FRMD4B: variants seen among roughly 807,000 people sequenced by gnomAD.
FRMD4B encodes the protein FERM domain containing 4B, also known as FERM domain-containing protein 4B.
In FRMD4B, 74 loss-of-function variants were observed where a neutral mutation model predicts 141.5. The ratio of observed to expected loss-of-function variants is 0.52; its 90% CI spans 0.43 to 0.63. The LOEUF (loss-of-function observed/expected upper bound fraction) is 0.63, where lower values mean the gene tolerates loss of function less well. FRMD4B is among the 30% of genes least tolerant of loss of function. The pLI is 0.00. For synonymous variants in FRMD4B, 506 were observed against 467.9 expected (o/e 1.08, Z -1.05); for missense variants, 1,366 against 1,253.4 (o/e 1.09, Z -1.36).
chr3:69,501,139 C>T (rs1488105422), intron 1 of FRMD4B, among the ~76,000 whole-genome samples: 1 of 151,934 alleles, frequency 6.6e-6, no homozygotes, highest in Non-Finnish European at 1.5e-5. Flanking sequence ...GCAAGCTTGT[C>T]CAACCAGTGG....
intron 1 of FRMD4B, among the ~76,000 whole-genome samples, chr3:69,341,677 T>C (rs1353161726): frequency 2.0e-5 from 3 of 152,186 alleles, no homozygotes; most frequent in African/African-American, 7.2e-5. Flanking sequence ...CCAATGTCTG[T>C]AGTATTAAGA....
intron 2 of FRMD4B, among the ~76,000 whole-genome samples, chr3:69,421,209 T>G (rs892071487): frequency 6.6e-6 from 1 of 152,232 alleles, no homozygotes; most frequent in Non-Finnish European, 1.5e-5. Context: ...TAGTCAGATC[T>G]CTGGGAGACA....
At chr3:69,526,910 C>A (rs143719467) in intron 1 of FRMD4B, among the ~76,000 whole-genome samples, 2 of 152,158 alleles carry the variant, frequency 1.3e-5, no homozygotes, top group Non-Finnish European at 2.9e-5. Context: ...TTTTCCACTG[C>A]GCCTCCCATA....
intron 1 of FRMD4B, among the ~76,000 whole-genome samples, chr3:69,324,681 C>T (rs1229207366): frequency 6.6e-6 from 1 of 152,178 alleles, no homozygotes; most frequent in Non-Finnish European, 1.5e-5. Flanking sequence ...AACAATTAAA[C>T]AAATATGATA....
intron 1 of FRMD4B, among the ~76,000 whole-genome samples, chr3:69,362,671 C>A (rs1438757278): frequency 6.7e-6 from 1 of 149,136 alleles, no homozygotes; most frequent in Non-Finnish European, 1.5e-5. Context: ...AGTGAGACTC[C>A]ATCTCAAAAC....
intron 1 of FRMD4B, among the ~76,000 whole-genome samples, chr3:69,525,199 C>G (rs1251070819): frequency 1.3e-5 from 2 of 151,906 alleles, no homozygotes; most frequent in Middle Eastern, 3.2e-3. Flanking sequence ...TCCTGCCACC[C>G]AAGTTATACA....
At chr3:69,475,856 C>A (rs1705986805) in intron 1 of FRMD4B, among the ~76,000 whole-genome samples, 1 of 151,810 alleles carries the variant, frequency 6.6e-6, no homozygotes, top group South Asian at 2.1e-4. Flanking sequence ...TCCACATCCT[C>A]TCCAGCACCT....
intron 1 of FRMD4B, among the ~76,000 whole-genome samples, chr3:69,370,875 G>A (rs1414410596): frequency 2.0e-5 from 3 of 152,020 alleles, no homozygotes; most frequent in Admixed American, 2.0e-4. Context: ...GCTTCTTAAA[G>A]TGTAAAGTAG....
At chr3:69,308,219 A>G (rs1701457044) in intron 3 of FRMD4B, among the ~76,000 whole-genome samples, 2 of 152,182 alleles carry the variant, frequency 1.3e-5, no homozygotes, top group African/African-American at 4.8e-5. Flanking sequence ...ATTGAATACT[A>G]GTACCCTATT....
At chr3:69,382,845 G>C (rs552952046) in intron 1 of FRMD4B, among the ~76,000 whole-genome samples, 1 of 151,868 alleles carries the variant, frequency 6.6e-6, no homozygotes, top group Admixed American at 6.6e-5. Context: ...GAAACCAGCT[G>C]AAGATAAAGC....
intron 2 of FRMD4B, among the ~76,000 whole-genome samples, chr3:69,396,893 A>G (rs1575786927): frequency 6.6e-6 from 1 of 152,252 alleles, no homozygotes; most frequent in African/African-American, 2.4e-5. Flanking sequence ...TCACGGTAGC[A>G]TTATTCATAA....
intron 18 of FRMD4B, among the ~76,000 whole-genome samples, chr3:69,189,442 T>G (rs2092812019): frequency 6.6e-6 from 1 of 152,184 alleles, no homozygotes; most frequent in Non-Finnish European, 1.5e-5. Flanking sequence ...TTATTTCATA[T>G]TGTGATGAAT....
chr3:69,211,036 A>AAAAAAG (rs2093073483), intron 11 of FRMD4B, among the ~76,000 whole-genome samples: 2 of 151,506 alleles, frequency 1.3e-5, no homozygotes, highest in Admixed American at 6.6e-5. Context: ...AAAAAAAAAA[A>AAAAAAG]AAAAGAAAGA....
intron 4 of FRMD4B, among the ~76,000 whole-genome samples, chr3:69,293,452 TGGCA>T (rs1378901371): frequency 1.4e-4 from 16 of 117,162 alleles, no homozygotes; most frequent in African/African-American, 4.0e-4. Flanking sequence ...ACATAGCAGG[TGGCA>T]TGTAGTTTAG....
intron 2 of FRMD4B, among the ~76,000 whole-genome samples, chr3:69,400,216 T>C (rs1704538427): frequency 6.7e-6 from 1 of 149,452 alleles, no homozygotes; most frequent in South Asian, 2.1e-4. Flanking sequence ...TGAGATTCTG[T>C]CTTCACCCCA....
chr3:69,180,478 G>A (rs1317392023), intron 21 of FRMD4B, among the ~76,000 whole-genome samples: 1 of 151,974 alleles, frequency 6.6e-6, no homozygotes, highest in African/African-American at 2.4e-5. Flanking sequence ...AAAATATCAA[G>A]CCTCAATGAC....
At chr3:69,537,389 G>T (rs1400765741) in intron 1 of FRMD4B, among the ~76,000 whole-genome samples, 1 of 152,180 alleles carries the variant, frequency 6.6e-6, no homozygotes, top group African/African-American at 2.4e-5. Context: ...GCAGAATAGA[G>T]CACTCATTTG....
intron 1 of FRMD4B, among the ~76,000 whole-genome samples, chr3:69,456,625 G>A (rs1458616675): frequency 6.6e-6 from 1 of 151,100 alleles, no homozygotes; most frequent in Non-Finnish European, 1.5e-5. Context: ...GTCCTTGTCT[G>A]TCTTGTTCGC....
At chr3:69,532,073 C>A (rs760376681) in intron 1 of FRMD4B, among the ~76,000 whole-genome samples, 1 of 152,168 alleles carries the variant, frequency 6.6e-6, no homozygotes, top group East Asian at 1.9e-4. Flanking sequence ...ACTGGGATGG[C>A]GTTCTGTGTT....
Sources: gnomAD v4.1 joint callset for allele counts (sites outside exome capture counted in the v4.1 genomes callset) on GRCh38, gnomAD v4.1.1 for gene constraint, MANE v1.5 for transcripts, NCBI Gene and HGNC (gene_info 2026-07-23, HGNC 2026-07-21) for gene names.